The following URB1 variants were observed in gnomAD, a reference collection of about 807,000 sequenced individuals.
The protein encoded by URB1 is URB1 ribosome biogenesis factor.
URB1 carries 197 observed loss-of-function variants against 242.3 expected under a neutral mutation model. The observed-to-expected ratio is 0.81, with a 90% CI of 0.72 to 0.91. The LOEUF (loss-of-function observed/expected upper bound fraction) is 0.91, where lower values mean the gene tolerates loss of function less well. Ranked by LOEUF, URB1 falls within the 40% of genes least tolerant of loss-of-function variation. URB1 has a pLI of 0.00. For synonymous variants in URB1, 1,153 were observed against 1,201.8 expected (o/e 0.96, Z 0.84); for missense variants, 2,721 against 2,860.5 (o/e 0.95, Z 1.11).
intron 1 of URB1, among the ~76,000 whole-genome samples, chr21:32,391,969 A>G (rs1347691708): frequency 6.6e-6 from 1 of 152,030 alleles, no homozygotes; most frequent in Non-Finnish European, 1.5e-5. Flanking sequence ...GGCTGCAGTG[A>G]GCTATGATAG....
chr21:32,333,491 T>G (rs1365075840), intron 29 of URB1, 72 bp from the exon 30 acceptor site: 1 of 1,164,264 alleles, frequency 8.6e-7, no homozygotes, highest in African/African-American at 1.6e-5. Context: ...GTATCTCTTA[T>G]CTGAAACACC....
rs1003051218 is a variant in URB1, at chr21:32,311,218, G to A, written c.*3700C>T. On this transcript the variant is annotated 3_prime_UTR_variant, in exon 39 of 39. Transcript: ENST00000382751. ...TCACGAGAACAGCATGGGAAGACCC[G>A]CCCCCATGATTCAATTACCTCCCAC... 5 of 165,954 alleles carry A rather than the reference G, an allele frequency of 3.0e-5. No homozygotes were observed. The highest frequency in any genetic ancestry group is 3.4e-4 in the South Asian group (2 of 5,824). The allele number at this position is 165,954 out of a possible 1,614,324, so 10.3% of individuals were successfully genotyped here.
intron 14 of URB1, among the ~76,000 whole-genome samples, chr21:32,359,162 T>C (rs993805791): frequency 6.6e-6 from 1 of 152,204 alleles, no homozygotes; most frequent in Non-Finnish European, 1.5e-5. Context: ...AAAAAGTACA[T>C]CAGCTCAGAT....
At position 32,359,838 on chromosome 21, in the gene URB1, G is replaced by C; in HGVS notation, c.1827C>G (p.Ala609=). The C allele has an allele frequency of 6.5e-7, 1 of 1,547,524 alleles. No individual in the cohort carries two copies. The highest frequency in any genetic ancestry group is 8.7e-7 in the Non-Finnish European group (1 of 1,145,396). Residue 609 remains alanine, a synonymous_variant, in exon 14 of 39, where the codon GCC becomes GCG. Transcript: ENST00000382751. ...GAAACTTGCTGGCCGGCAGCTCCAG[G>C]GCCACCTTCAGCATGTGGTGCTGCA... ...PILQHHMLKV[A]LELPASKFLW...
chr21:32,362,411 T>G (rs1193376836), intron 11 of URB1, among the ~76,000 whole-genome samples: 2 of 152,128 alleles, frequency 1.3e-5, no homozygotes, highest in South Asian at 2.1e-4. Context: ...TTCACCATGT[T>G]GGCCAGGCTG....
At chr21:32,329,460 G>A (rs547669270) in intron 30 of URB1, among the ~76,000 whole-genome samples, 2 of 152,178 alleles carry the variant, frequency 1.3e-5, no homozygotes, top group African/African-American at 2.4e-5. Flanking sequence ...TCAGAGAATT[G>A]CAAATGGGGC....
intron 32 of URB1, among the ~76,000 whole-genome samples, chr21:32,323,513 G>A (rs895974105): frequency 3.3e-5 from 5 of 152,214 alleles, no homozygotes; most frequent in African/African-American, 1.2e-4. Flanking sequence ...AAGGAGCCTT[G>A]TTCTAACAGC....
In URB1 at chr21:32,364,479, A is replaced by G. The variant is rs918653860; in HGVS notation, c.1336-1150T>C. Among the ~76,000 whole-genome samples the G allele has an allele frequency of 2.6e-5, 4 of 152,336 alleles. No homozygotes were observed. The South Asian group carries it at 6.2e-4, about 24-fold the overall frequency. ...GCTTTTCTGGTTTACTTTCAGCTCAATAACCACGACACCCCAGAGCCCCAG... is the reference window on the plus strand; with the variant it reads ...GCTTTTCTGGTTTACTTTCAGCTCAGTAACCACGACACCCCAGAGCCCCAG... On this transcript the variant is annotated intron_variant, in intron 10 of 38. Transcript: ENST00000382751.
Position 32,384,460 on chromosome 21 carries a change from A to G in URB1, c.287T>C (p.Met96Thr). Residue 96 changes from methionine to threonine, a missense_variant, in exon 3 of 39, where the codon ATG becomes ACG. Transcript: ENST00000382751. The stretch of plus-strand genomic sequence containing the variant: ...GGCCTCGAAAACTTGAAATATTAAC[A>G]TCGTCTGCAAAGACAGAATTGAAAC... Reference protein sequence around the residue: ...SGEKRPESETMLIFQVFEAIL... With the variant: ...SGEKRPESETTLIFQVFEAIL... 1 of 1,550,500 alleles carries G rather than the reference A, an allele frequency of 6.4e-7. No individual in the cohort carries two copies. Among genetic ancestry groups the G allele is most frequent in the Non-Finnish European group, 8.7e-7 (1 of 1,145,914 alleles).
chr21:32,389,176 G>GT (rs1033872985), intron 1 of URB1, among the ~76,000 whole-genome samples: 4 of 152,264 alleles, frequency 2.6e-5, no homozygotes, highest in South Asian at 4.2e-4. Flanking sequence ...AATAGTAAAC[G>GT]TAAGTATTGA....
In URB1 at chr21:32,319,103, C is replaced by T. The variant is rs534351361; in HGVS notation, c.5792+114G>A. On this transcript the variant is annotated intron_variant, in intron 36 of 38. Transcript: ENST00000382751. ...CTCTGCCCCAATCCACAGCAGATCA[C>T]GGCCCAGCGTCCCCCTGGTACAGAG... 1.4e-4 allele frequency: 151 copies of T among 1,055,064 alleles called. 1 individual carries two copies. Among genetic ancestry groups the T allele is most frequent in the African/African-American group, 5.4e-4 (33 of 60,910 alleles). 65.4% of individuals were successfully genotyped at this position (1,055,064 alleles called of 1,614,324 possible). A position where few individuals can be genotyped will look rare whatever the true frequency, so the allele number is the denominator to read the frequency against.
chr21:32,343,982 G>C (rs547120779), intron 24 of URB1, among the ~76,000 whole-genome samples: 1 of 151,834 alleles, frequency 6.6e-6, no homozygotes, highest in Non-Finnish European at 1.5e-5. Context: ...AAGCAGGCCA[G>C]AAGACAGAAA....
At chr21:32,367,555 GA>G (rs2033359860) in intron 9 of URB1, among the ~76,000 whole-genome samples, 1 of 151,848 alleles carries the variant, frequency 6.6e-6, no homozygotes. Flanking sequence ...CAGTGACAGA[GA>G]GTTCAAACAA....
chr21:32,333,505 G>A (rs1210851188), intron 29 of URB1, 86 bp from the exon 30 acceptor site: 1 of 1,064,594 alleles, frequency 9.4e-7, no homozygotes, highest in Non-Finnish European at 1.4e-6. Context: ...AAACACCTGG[G>A]ATCAGAAATG....
At position 32,392,869 on chromosome 21, in the gene URB1, G is replaced by C. The variant is rs762369581; in HGVS notation, c.42C>G (p.Gly14=). The C allele has an allele frequency of 1.4e-5, 21 of 1,531,612 alleles. No individual in the cohort carries two copies. Among genetic ancestry groups the C allele is most frequent in the Non-Finnish European group, 1.7e-5 (19 of 1,144,632 alleles). 94.9% of individuals were successfully genotyped at this position (1,531,612 alleles called of 1,614,324 possible). ...PKRKASGGQD[G]AASSAGAAKR... Reference sequence around the variant, plus strand: ...TGGCTGCACCCGCGGAGGAAGCCGCGCCGTCCTGGCCGCCCGAGGCCTTCC... The same window carrying C: ...TGGCTGCACCCGCGGAGGAAGCCGCCCCGTCCTGGCCGCCCGAGGCCTTCC... The change falls in exon 1 of 39, where the codon GGC becomes GGG. Residue 14 remains glycine, a synonymous_variant. Coordinates refer to ENST00000382751, the MANE Select transcript of URB1 (RefSeq NM_014825.3).
Position 32,348,097 on chromosome 21 carries a change from T to C in URB1, c.3013-286A>G, listed in dbSNP as rs184690294. Among the ~76,000 whole-genome samples, 289 of 152,242 alleles carry C rather than the reference T, an allele frequency of 1.9e-3. 1 individual carries two copies. Among genetic ancestry groups the C allele is most frequent in the African/African-American group, 6.5e-3 (272 of 41,548 alleles). ...GACCTGGCTGGTGCCCCACCCACAT[T>C]TGCGAGCACGTGTCTGAAGAACCCA... On this transcript the variant is annotated intron_variant, in intron 21 of 38. Transcript: ENST00000382751.
chr21:32,337,754 T>C (rs1236471504), intron 26 of URB1, among the ~76,000 whole-genome samples: 1 of 151,854 alleles, frequency 6.6e-6, no homozygotes, highest in African/African-American at 2.4e-5. Context: ...GCTGAACTCC[T>C]TAGCTCAAGC....
intron 21 of URB1, among the ~76,000 whole-genome samples, chr21:32,348,800 A>G (rs1378434780): frequency 6.6e-6 from 1 of 152,268 alleles, no homozygotes; most frequent in Non-Finnish European, 1.5e-5. Flanking sequence ...AAAAAAGTGT[A>G]TATTTCAATT....
At position 32,350,826 on chromosome 21, in the gene URB1, GA is replaced by G; in HGVS notation, c.2709del (p.Arg904GlyfsTer138). 1 of 1,551,342 alleles carries G rather than the reference GA, an allele frequency of 6.4e-7. No individual in the cohort carries two copies. Among genetic ancestry groups the G allele is most frequent in the Admixed American group, 2.0e-5 (1 of 51,014 alleles). On this transcript the variant is annotated frameshift_variant, in exon 20 of 39. Transcript: ENST00000382751. LOFTEE classifies it high-confidence loss of function. ...LLQAAYESQALRDEHIQVQLQ... is the reference protein window; with the variant it reads ...LLQAAYESQAXRDEHIQVQLQ... Reference sequence around the variant, plus strand: ...AGCTGCACCTGGATGTGCTCGTCCCGAAGCGCTTGGCTCTCGTAGGCTGCCT... The same window carrying G: ...AGCTGCACCTGGATGTGCTCGTCCCGAGCGCTTGGCTCTCGTAGGCTGCCT...
Sources: allele counts gnomAD v4.1 joint callset (sites outside exome capture counted in the v4.1 genomes callset), GRCh38; gene constraint gnomAD v4.1.1; transcripts MANE v1.5; gene names NCBI Gene and HGNC (gene_info 2026-07-23, HGNC 2026-07-21).